The following TARS3 variants were observed in gnomAD, a reference collection of about 807,000 sequenced individuals.
TARS3 encodes threonine--tRNA ligase 2, cytoplasmic.
A neutral mutation model predicts 103.5 loss-of-function variants in TARS3; 94 were observed. The ratio of observed to expected loss-of-function variants is 0.91; its 90% CI spans 0.77 to 1.08. The LOEUF (loss-of-function observed/expected upper bound fraction) is 1.08. Ranked by LOEUF, TARS3 falls within the 50% of genes least tolerant of loss-of-function variation. The probability of loss-of-function intolerance (pLI) is 0.00; values close to 1 mark genes in which losing one functional copy is unlikely to be tolerated. For missense variants in TARS3, 952 were observed against 995.2 expected (o/e 0.96, Z 0.58); for synonymous variants, 416 against 355.4 (o/e 1.17, Z -1.92).
At chr15:101,718,843 T>A (rs969172514) in intron 3 of TARS3, among the ~76,000 whole-genome samples, 6 of 152,194 alleles carry the variant, frequency 3.9e-5, no homozygotes, top group Non-Finnish European at 7.3e-5. Context: ...GGCTAACTGA[T>A]CATGGTAATT....
At chr15:101,669,439 G>C (rs937024879) in intron 15 of TARS3, among the ~76,000 whole-genome samples, 6 of 152,176 alleles carry the variant, frequency 3.9e-5, no homozygotes. Context: ...TTTAAATTTA[G>C]TGTAGCCTAA....
chr15:101,682,461 T>C (rs1246156938), intron 12 of TARS3, among the ~76,000 whole-genome samples: 1 of 152,184 alleles, frequency 6.6e-6, no homozygotes, highest in Non-Finnish European at 1.5e-5. Context: ...CATTTTCTAA[T>C]GTTAAACTAC....
intron 6 of TARS3, among the ~76,000 whole-genome samples, chr15:101,707,905 T>C (rs981273955): frequency 2.6e-5 from 4 of 152,168 alleles, no homozygotes; most frequent in African/African-American, 9.7e-5. Flanking sequence ...ACCAACTCTA[T>C]TTTTTTATTC....
chr15:101,671,850 G>T (rs2141391559), intron 13 of TARS3, 102 bp from the exon 14 acceptor site: 1 of 886,780 alleles, frequency 1.1e-6, no homozygotes, highest in Non-Finnish European at 1.8e-6. Flanking sequence ...GTCTATGTTA[G>T]TTCAACATAT....
At position 101,654,557 on chromosome 15, in the gene TARS3, C is replaced by T. The variant is rs777026869; in HGVS notation, c.*25G>A. 3.7e-6 allele frequency: 6 copies of T among 1,602,044 alleles called. No homozygotes were observed. The Admixed American group carries it at 7.2e-5, about 19-fold the overall frequency. The stretch of plus-strand genomic sequence containing the variant: ...TTTTAAGGGTCAAAACAAAGTTACA[C>T]AGAAGCAAATATCAGGGAAGGACTT... On this transcript the variant is annotated 3_prime_UTR_variant, in exon 19 of 19. Transcript: ENST00000335968.
intron 13 of TARS3, among the ~76,000 whole-genome samples, chr15:101,672,531 C>T (rs374578865): frequency 6.6e-6 from 1 of 152,074 alleles, no homozygotes; most frequent in Non-Finnish European, 1.5e-5. Context: ...TTGGGAGTGA[C>T]GCGCCTCATG....
intron 2 of TARS3, 122 bp from the exon 3 acceptor site, chr15:101,721,444 C>A (rs1449338829): frequency 4.5e-6 from 3 of 662,650 alleles, no homozygotes; most frequent in Non-Finnish European, 7.4e-6. Flanking sequence ...CCCAAGCTTA[C>A]CATGGTTTGA....
intron 15 of TARS3, among the ~76,000 whole-genome samples, chr15:101,666,129 T>C (rs1003181336): frequency 1.3e-5 from 2 of 152,308 alleles, no homozygotes; most frequent in Non-Finnish European, 2.9e-5. Context: ...CTACTTACTC[T>C]GGAAATGAGA....
chr15:101,712,096 G>C, intron 4 of TARS3, 95 bp from the exon 5 acceptor site: 6 of 1,378,936 alleles, frequency 4.4e-6, no homozygotes, highest in Middle Eastern at 1.9e-4. Context: ...ATTTTAAGGA[G>C]ATACATGGCA....
intron 3 of TARS3, among the ~76,000 whole-genome samples, chr15:101,719,268 G>A (rs1338657707): frequency 6.6e-6 from 1 of 152,172 alleles, no homozygotes; most frequent in Non-Finnish European, 1.5e-5. Context: ...CTGTATGCAC[G>A]TGTGGTGTGA....
intron 4 of TARS3, among the ~76,000 whole-genome samples, chr15:101,712,601 T>A (rs989805809): frequency 6.6e-6 from 1 of 152,124 alleles, no homozygotes; most frequent in Non-Finnish European, 1.5e-5. Flanking sequence ...GAGAAGTGTA[T>A]ATATGGGCTC....
intron 10 of TARS3, among the ~76,000 whole-genome samples, chr15:101,698,635 G>A (rs1461861680): frequency 6.6e-6 from 1 of 152,180 alleles, no homozygotes; most frequent in East Asian, 1.9e-4. Flanking sequence ...ATTTTACAAT[G>A]TGAGGGAGAT....
In TARS3 at chr15:101,724,018, G is replaced by T. The variant is rs571716880; in HGVS notation, c.297+73C>A. 4.3e-5 allele frequency: 56 copies of T among 1,294,480 alleles called. No individual in the cohort carries two copies. In the East Asian group the frequency reaches 1.6e-3, roughly 36 times the overall value. 80.2% of individuals were successfully genotyped at this position (1,294,480 alleles called of 1,614,324 possible). On this transcript the variant is annotated intron_variant, in intron 1 of 18. Coordinates refer to ENST00000335968, the MANE Select transcript of TARS3 (RefSeq NM_152334.3). ...CGCCCCCGCACCTGCCCCCGCAGTT[G>T]AAAACCTTTCGGTGCGCACCGTCTC...
intron 12 of TARS3, 73 bp from the exon 13 acceptor site, chr15:101,675,810 A>G: frequency 6.8e-7 from 1 of 1,471,784 alleles, no homozygotes; most frequent in Non-Finnish European, 9.2e-7. Flanking sequence ...ACAATTCTTC[A>G]TGTCAGACAG....
chr15:101,716,184 C>T (rs1900150581), intron 3 of TARS3, among the ~76,000 whole-genome samples: 2 of 151,992 alleles, frequency 1.3e-5, no homozygotes, highest in Non-Finnish European at 2.9e-5. Context: ...ACTCAGCTAA[C>T]TTTTGTATTT....
At position 101,670,215 on chromosome 15, in the gene TARS3, C is replaced by T. The variant is rs150410916; in HGVS notation, c.1967+1271G>A. On this transcript the variant is annotated intron_variant, in intron 15 of 18. Coordinates refer to ENST00000335968, the MANE Select transcript of TARS3 (RefSeq NM_152334.3). ...GATGAATGGGAAAGTAAAGATATTA[C>T]AAAAAATGAAAAAGCAAGCTACAGA... 2.1e-3 allele frequency among the ~76,000 whole-genome samples: 314 copies of T among 152,064 alleles called. 1 individual carries two copies. The highest frequency in any genetic ancestry group is 3.8e-3 in the Non-Finnish European group (258 of 67,956).
intron 12 of TARS3, among the ~76,000 whole-genome samples, chr15:101,677,540 C>T (rs1898079633): frequency 1.3e-5 from 2 of 151,646 alleles, no homozygotes; most frequent in Admixed American, 1.3e-4. Context: ...CTCTTGTTGC[C>T]CAGGCTGCAG....
intron 11 of TARS3, among the ~76,000 whole-genome samples, chr15:101,685,577 T>C (rs968834919): frequency 6.6e-6 from 1 of 152,132 alleles, no homozygotes; most frequent in Admixed American, 6.5e-5. Flanking sequence ...AACTAAATAT[T>C]CTGCAAATAT....
At chr15:101,716,537 T>G (rs1900166693) in intron 3 of TARS3, among the ~76,000 whole-genome samples, 1 of 152,210 alleles carries the variant, frequency 6.6e-6, no homozygotes, top group South Asian at 2.1e-4. Context: ...AGGAGACAGA[T>G]TTCCAAAACG....
Sources: allele counts gnomAD v4.1 joint callset (sites outside exome capture counted in the v4.1 genomes callset), GRCh38; gene constraint gnomAD v4.1.1; transcripts MANE v1.5; gene names NCBI Gene and HGNC (gene_info 2026-07-23, HGNC 2026-07-21).